The following ADAMTS6 variants were observed in gnomAD, a reference collection of about 807,000 sequenced individuals.
ADAMTS6 encodes A disintegrin and metalloproteinase with thrombospondin motifs 6.
ADAMTS6 carries 23 observed loss-of-function variants against 144.3 expected under a neutral mutation model. That is an observed-to-expected ratio of 0.16 (90% CI 0.11 to 0.23). The LOEUF is 0.23. Among genes scored for constraint, ADAMTS6 ranks in the 10% least tolerant of loss-of-function variants. The pLI, the probability that ADAMTS6 is intolerant of heterozygous loss-of-function variation, is 1.00. For missense variants in ADAMTS6, 999 were observed against 1,379.6 expected (o/e 0.72, Z 4.37); for synonymous variants, 444 against 457.5 (o/e 0.97, Z 0.38).
At chr5:65,378,334 C>T (rs1216158463) in intron 7 of ADAMTS6, among the ~76,000 whole-genome samples, 1 of 152,154 alleles carries the variant, frequency 6.6e-6, no homozygotes, top group Non-Finnish European at 1.5e-5. Flanking sequence ...TCTCTATCTT[C>T]TCCCAATATC....
intron 4 of ADAMTS6, among the ~76,000 whole-genome samples, chr5:65,455,653 A>C (rs766667286): frequency 1.3e-5 from 2 of 152,028 alleles, no homozygotes; most frequent in African/African-American, 2.4e-5. Context: ...AAAAATACAA[A>C]AATTAGCTGT....
chr5:65,433,114 T>C (rs1227747774), intron 7 of ADAMTS6, among the ~76,000 whole-genome samples: 1 of 152,140 alleles, frequency 6.6e-6, no homozygotes, highest in Non-Finnish European at 1.5e-5. Context: ...TCCAAATCCC[T>C]ATTCAACTTT....
intron 11 of ADAMTS6, among the ~76,000 whole-genome samples, chr5:65,290,407 C>T (rs1580309388): frequency 6.6e-6 from 1 of 151,980 alleles, no homozygotes; most frequent in Non-Finnish European, 1.5e-5. Flanking sequence ...AAAAATCAGC[C>T]GGGCATGATG....
chr5:65,365,789 A>G (rs997456617), intron 7 of ADAMTS6, among the ~76,000 whole-genome samples: 22 of 152,204 alleles, frequency 1.4e-4, no homozygotes, highest in African/African-American at 5.1e-4. Flanking sequence ...ATGTAAAATT[A>G]GCTCGAATAC....
chr5:65,282,605 T>C (rs940610399), intron 11 of ADAMTS6, among the ~76,000 whole-genome samples: 1 of 151,962 alleles, frequency 6.6e-6, no homozygotes, highest in African/African-American at 2.4e-5. Context: ...ATAAATAGAT[T>C]TTAGGGTAAA....
chr5:65,304,037 T>C (rs1044893504), intron 9 of ADAMTS6, among the ~76,000 whole-genome samples: 3 of 152,188 alleles, frequency 2.0e-5, no homozygotes, highest in Non-Finnish European at 4.4e-5. Flanking sequence ...ACTCAAGTAC[T>C]GAAGGAGAAA....
chr5:65,362,306 T>C (rs1377507723), intron 7 of ADAMTS6, among the ~76,000 whole-genome samples: 1 of 152,188 alleles, frequency 6.6e-6, no homozygotes, highest in Non-Finnish European at 1.5e-5. Context: ...AGCATCTCAT[T>C]GTACTGTAAT....
At chr5:65,299,586 GTTGT>G (rs1743171908) in intron 10 of ADAMTS6, among the ~76,000 whole-genome samples, 1 of 151,684 alleles carries the variant, frequency 6.6e-6, no homozygotes, top group South Asian at 2.1e-4. Context: ...TGTTGTTGTT[GTTGT>G]TTGTTACTAT....
At chr5:65,299,520 TTCAAAAA>T (rs1363865933) in intron 10 of ADAMTS6, among the ~76,000 whole-genome samples, 2 of 152,194 alleles carry the variant, frequency 1.3e-5, no homozygotes, top group Non-Finnish European at 2.9e-5. Flanking sequence ...TTAATACACT[TTCAAAAA>T]CAAATCTTTT....
intron 11 of ADAMTS6, among the ~76,000 whole-genome samples, chr5:65,278,751 G>A (rs1461110527): frequency 6.6e-6 from 1 of 152,002 alleles, no homozygotes; most frequent in Non-Finnish European, 1.5e-5. Context: ...TTTAGCAAGG[G>A]ACACTTTTTC....
chr5:65,429,381 A>G (rs1435402782), intron 7 of ADAMTS6, among the ~76,000 whole-genome samples: 1 of 152,170 alleles, frequency 6.6e-6, no homozygotes, highest in Non-Finnish European at 1.5e-5. Context: ...TCTTTGGGTC[A>G]TCATTTCTGA....
At chr5:65,364,756 C>T (rs1333074972) in intron 7 of ADAMTS6, among the ~76,000 whole-genome samples, 2 of 151,562 alleles carry the variant, frequency 1.3e-5, no homozygotes, top group African/African-American at 2.4e-5. Flanking sequence ...TTAGTAGAGA[C>T]GGGGTTTCAT....
At chr5:65,443,875 A>G (rs979505965) in intron 7 of ADAMTS6, among the ~76,000 whole-genome samples, 12 of 152,168 alleles carry the variant, frequency 7.9e-5, no homozygotes, top group Non-Finnish European at 1.0e-4. Context: ...ATCATACTTA[A>G]TGGTGAAAGA....
chr5:65,207,279 GA>G (rs1297747944), intron 20 of ADAMTS6, among the ~76,000 whole-genome samples: 1 of 151,496 alleles, frequency 6.6e-6, no homozygotes, highest in Non-Finnish European at 1.5e-5. Context: ...AAAAATCTAG[GA>G]AAAAAAATTG....
chr5:65,286,387 A>C (rs1403349179), intron 11 of ADAMTS6, among the ~76,000 whole-genome samples: 1 of 152,162 alleles, frequency 6.6e-6, no homozygotes, highest in African/African-American at 2.4e-5. Context: ...GTTCCCATTT[A>C]TGGTTCAGGA....
At chr5:65,477,341 T>A (rs1760909241) in intron 1 of ADAMTS6, among the ~76,000 whole-genome samples, 1 of 152,228 alleles carries the variant, frequency 6.6e-6, no homozygotes, top group African/African-American at 2.4e-5. Context: ...TTTCTAGCAA[T>A]GGAGATAGAT....
chr5:65,466,927 A>G (rs1639583444), intron 3 of ADAMTS6, among the ~76,000 whole-genome samples: 2 of 151,932 alleles, frequency 1.3e-5, no homozygotes, highest in Non-Finnish European at 2.9e-5. Context: ...CTGTAGTCCC[A>G]GCTACTCGGG....
intron 7 of ADAMTS6, among the ~76,000 whole-genome samples, chr5:65,338,668 C>G (rs539858365): frequency 6.6e-6 from 1 of 151,770 alleles, no homozygotes; most frequent in Admixed American, 6.6e-5. Context: ...AGCTGTGTGC[C>G]TGAGCCCAGA....
At chr5:65,268,731 A>G (rs1761829109) in intron 12 of ADAMTS6, among the ~76,000 whole-genome samples, 1 of 152,140 alleles carries the variant, frequency 6.6e-6, no homozygotes, top group Non-Finnish European at 1.5e-5. Context: ...TTTTTTGGCC[A>G]TATTTCTTAC....
Sources: gnomAD v4.1 joint callset for allele counts (sites outside exome capture counted in the v4.1 genomes callset) on GRCh38, gnomAD v4.1.1 for gene constraint, MANE v1.5 for transcripts, NCBI Gene and HGNC (gene_info 2026-07-23, HGNC 2026-07-21) for gene names.